The following ERICH6 variants were observed in gnomAD, a reference collection of about 807,000 sequenced individuals.
ERICH6 encodes glutamate-rich protein 6.
In ERICH6, 71 loss-of-function variants were observed where a neutral mutation model predicts 71.0. The observed-to-expected ratio is 1.00, with a 90% CI of 0.83 to 1.22. The LOEUF (loss-of-function observed/expected upper bound fraction) is 1.22, where lower values mean the gene tolerates loss of function less well. Ranked by LOEUF, ERICH6 falls within the 50% of genes most tolerant of loss-of-function variation. The probability of loss-of-function intolerance (pLI) is 0.00; values close to 1 mark genes in which losing one functional copy is unlikely to be tolerated. For synonymous variants in ERICH6, 262 were observed against 278.4 expected (o/e 0.94, Z 0.59); for missense variants, 808 against 797.2 (o/e 1.01, Z -0.16).
chr3:150,693,863 T>G (rs1282347043), intron 3 of ERICH6, among the ~76,000 whole-genome samples: 2 of 152,188 alleles, frequency 1.3e-5, no homozygotes, highest in African/African-American at 4.8e-5. Flanking sequence ...AAAATAATGT[T>G]TTCAATTTTT....
chr3:150,678,384 A>G (rs1711744230), intron 10 of ERICH6, 25 bp downstream of exon 10: 1 of 1,529,982 alleles, frequency 6.5e-7, no homozygotes, highest in Admixed American at 2.4e-5. Flanking sequence ...TAAAATAGCA[A>G]GTAAAAAAAT....
At chr3:150,688,775 G>A (rs567821758) in intron 3 of ERICH6, among the ~76,000 whole-genome samples, 1 of 152,292 alleles carries the variant, frequency 6.6e-6, no homozygotes, top group South Asian at 2.1e-4. Context: ...CCGCCTTTGA[G>A]TTGTCCCGCC....
Position 150,669,335 on chromosome 3 carries a change from G to C in ERICH6, c.1460C>G (p.Ser487Cys), listed in dbSNP as rs1259988575. The C allele has an allele frequency of 1.2e-6, 2 of 1,612,276 alleles. No individual in the cohort carries two copies. Among genetic ancestry groups the C allele is most frequent in the South Asian group, 1.1e-5 (1 of 90,540 alleles). ...NPAILAVLDSSGRSSCYHPNG... is the reference protein window; with the variant it reads ...NPAILAVLDSCGRSSCYHPNG... ...GGGATGATAGCAGGAACTTCTGCCA[G>C]AGGAATCCAGCACTGCTAGGATAGC... Residue 487 changes from serine to cysteine, a missense_variant, in exon 12 of 14, where the codon TCT becomes TGT. By Grantham distance (112) the Ser-to-Cys change is moderately radical (BLOSUM62 -1). Around this residue, in one of 3 missense-constraint regions of ERICH6, gnomAD observed 736 missense variants for 712.2 expected, o/e 1.03. Coordinates refer to ENST00000295910, the MANE Select transcript of ERICH6 (RefSeq NM_152394.5).
At chr3:150,671,470 T>C (rs1260134283) in intron 11 of ERICH6, among the ~76,000 whole-genome samples, 2 of 152,244 alleles carry the variant, frequency 1.3e-5, no homozygotes, top group Non-Finnish European at 2.9e-5. Context: ...ATGAAATGGA[T>C]ATTTAATTTT....
At chr3:150,702,266 G>GTT in intron 1 of ERICH6, 88 bp from the exon 2 acceptor site, 3 of 480,798 alleles carry the variant, frequency 6.2e-6, no homozygotes, top group Non-Finnish European at 1.1e-5. Flanking sequence ...GCAATGTCTG[G>GTT]AGACTTTTTT....
intron 11 of ERICH6, among the ~76,000 whole-genome samples, chr3:150,670,210 C>T (rs1430930800): frequency 6.6e-6 from 1 of 152,000 alleles, no homozygotes; most frequent in Non-Finnish European, 1.5e-5. Flanking sequence ...TCTGGCTGGG[C>T]GTGGTGGCTC....
chr3:150,679,804 C>T (rs1032244840), intron 9 of ERICH6, among the ~76,000 whole-genome samples: 1 of 151,974 alleles, frequency 6.6e-6, no homozygotes, highest in African/African-American at 2.4e-5. Context: ...ATTACAGGCG[C>T]CTGCCACCAT....
At position 150,659,960 on chromosome 3, in the gene ERICH6, A is replaced by G. The variant is rs756422560; in HGVS notation, c.1924T>C (p.Cys642Arg). Residue 642 changes from cysteine to arginine, a missense_variant, in exon 14 of 14, where the codon TGT becomes CGT. Physicochemically the swap from Cys to Arg is radical, Grantham distance 180. Coordinates refer to ENST00000295910, the MANE Select transcript of ERICH6 (RefSeq NM_152394.5). Reference protein sequence around the residue: ...SSLSLKLIALCHSSGIKQDIM... With the variant: ...SSLSLKLIALRHSSGIKQDIM... ...TCTTGCTTTATACCAGAACTGTGAC[A>G]AAGGGCAATTAGTTTTAGAGAAAGT... 6.6e-5 allele frequency: 107 copies of G among 1,613,954 alleles called. No individual in the cohort carries two copies. Among genetic ancestry groups the G allele is most frequent in the Non-Finnish European group, 9.0e-5 (106 of 1,179,952 alleles).
At chr3:150,693,635 A>T (rs1454967646) in intron 3 of ERICH6, among the ~76,000 whole-genome samples, 1 of 151,808 alleles carries the variant, frequency 6.6e-6, no homozygotes, top group African/African-American at 2.4e-5. Context: ...CTTTTTTTTT[A>T]CTGCACTGTA....
chr3:150,697,992 C>T (rs1712716479), intron 3 of ERICH6, among the ~76,000 whole-genome samples: 1 of 152,166 alleles, frequency 6.6e-6, no homozygotes, highest in Non-Finnish European at 1.5e-5. Context: ...TGTCCTGGCT[C>T]ATTCTCTCAC....
At chr3:150,694,737 T>C (rs1712588937) in intron 3 of ERICH6, among the ~76,000 whole-genome samples, 1 of 152,238 alleles carries the variant, frequency 6.6e-6, no homozygotes, top group South Asian at 2.1e-4. Flanking sequence ...TCTAAATTGA[T>C]TGAAACCTGT....
chr3:150,680,699 A>G (rs1382455102), intron 8 of ERICH6, 74 bp downstream of exon 8: 13 of 1,556,822 alleles, frequency 8.4e-6, no homozygotes, highest in South Asian at 4.9e-5. Flanking sequence ...TCTTGAAAAA[A>G]TGAGGTTCAT....
rs1727145335 is a variant in ERICH6, at chr3:150,659,917, C to CTTTTTTTTTTTTTTTTTTTTTTTT, written c.1966_1967insAAAAAAAAAAAAAAAAAAAAAAAA (p.Ile655_Arg656insLysLysLysLysLysLysLysLys). On this transcript the variant is annotated inframe_insertion, in exon 14 of 14. Transcript: ENST00000295910. ...TTAAATTTCTTCATTTATTATATTT[C>CTTTTTTTTTTTTTTTTTTTTTTTT]TTATTGTCTTCATTATATCTTGCTT... 1.2e-6 allele frequency: 2 copies of CTTTTTTTTTTTTTTTTTTTTTTTT among 1,608,068 alleles called. No homozygotes were observed. The highest frequency in any genetic ancestry group is 2.7e-5 in the African/African-American group (2 of 74,612).
At chr3:150,683,920 G>A (rs1043243008) in intron 6 of ERICH6, among the ~76,000 whole-genome samples, 3 of 152,236 alleles carry the variant, frequency 2.0e-5, no homozygotes, top group African/African-American at 7.2e-5. Flanking sequence ...TGAGGAGCAG[G>A]AGGAGCCAGC....
intron 13 of ERICH6, among the ~76,000 whole-genome samples, chr3:150,665,827 C>CAAAAAA (rs530457228): frequency 1.4e-5 from 1 of 69,986 alleles, no homozygotes; most frequent in African/African-American, 4.3e-5. Context: ...GGCTCCATCT[C>CAAAAAA]AAAAAAAAAA....
chr3:150,680,396 A>T, intron 9 of ERICH6, 72 bp downstream of exon 9: 1 of 1,480,794 alleles, frequency 6.8e-7, no homozygotes, highest in South Asian at 1.2e-5. Flanking sequence ...CACCCATTTC[A>T]TCTTTTGGTT....
chr3:150,695,695 G>C (rs560175404), intron 3 of ERICH6, among the ~76,000 whole-genome samples: 1 of 151,304 alleles, frequency 6.6e-6, no homozygotes, highest in Non-Finnish European at 1.5e-5. Context: ...AGACCCCAAT[G>C]GTTGGCTACA....
chr3:150,672,466 C>T (rs551427711), intron 11 of ERICH6, among the ~76,000 whole-genome samples: 13 of 151,260 alleles, frequency 8.6e-5, no homozygotes, highest in African/African-American at 3.2e-4. Context: ...GGCGTGGTGG[C>T]ATGTGCCTGT....
Position 150,660,096 on chromosome 3 carries a change from C to A in ERICH6, c.1788G>T (p.Leu596=). ...LRYVSGDDLL[L]LASLIKIRRL... ...GACGGATCTTTATTAAACTGGCCAG[C>A]AGAAGAAGGTCATCTCCACTTACGT... The change falls in exon 14 of 14, where the codon CTG becomes CTT. Residue 596 remains leucine, a synonymous_variant. Transcript: ENST00000295910. 1 of 1,613,984 alleles carries A rather than the reference C, an allele frequency of 6.2e-7. No individual in the cohort carries two copies. Among genetic ancestry groups the A allele is most frequent in the Non-Finnish European group, 8.5e-7 (1 of 1,180,002 alleles).
Sources: allele counts gnomAD v4.1 joint callset (sites outside exome capture counted in the v4.1 genomes callset), GRCh38; gene constraint gnomAD v4.1.1; regional missense constraint gnomAD v4.1.1; transcripts MANE v1.5; gene names NCBI Gene and HGNC (gene_info 2026-07-23, HGNC 2026-07-21).